Variants in AGBL4 observed in about 807,000 individuals in gnomAD.
The protein encoded by AGBL4 is cytosolic carboxypeptidase 6.
Under a neutral mutation model 66.4 loss-of-function variants are expected in AGBL4, and 58 were observed. That is an observed-to-expected ratio of 0.87 (90% confidence interval 0.71 to 1.09). AGBL4 has a LOEUF of 1.09. Among genes scored for constraint, AGBL4 ranks in the 50% least tolerant of loss-of-function variants. AGBL4 has a pLI of 0.00. For missense variants in AGBL4, 579 were observed against 631.0 expected (o/e 0.92, Z 0.88); for synonymous variants, 234 against 222.9 (o/e 1.05, Z -0.44).
intron 2 of AGBL4, chr1:49,845,722 A>C: frequency 6.3e-7 from 1 of 1,594,662 alleles, no homozygotes; most frequent in Non-Finnish European, 8.6e-7. Context: ...TGAGCATCAG[A>C]GGATTTACAC....
At chr1:48,788,713 A>G (rs1645467161) in intron 6 of AGBL4, among the ~76,000 whole-genome samples, 1 of 152,168 alleles carries the variant, frequency 6.6e-6, no homozygotes, top group Admixed American at 6.5e-5. Flanking sequence ...TGGGACACTA[A>G]CTGTGAAAAT....
chr1:48,937,451 T>C (rs1006821228), intron 5 of AGBL4, among the ~76,000 whole-genome samples: 3 of 152,192 alleles, frequency 2.0e-5, no homozygotes, highest in African/African-American at 7.2e-5. Flanking sequence ...GTGTTTTCAT[T>C]GTGTGACATG....
intron 5 of AGBL4, among the ~76,000 whole-genome samples, chr1:48,953,854 G>A (rs1485053490): frequency 6.6e-6 from 1 of 152,170 alleles, no homozygotes; most frequent in Admixed American, 6.5e-5. Flanking sequence ...CAGGAACAAC[G>A]TGCTTGGCAT....
chr1:48,674,191 A>C (rs1485230724), intron 6 of AGBL4, among the ~76,000 whole-genome samples: 1 of 152,170 alleles, frequency 6.6e-6, no homozygotes, highest in African/African-American at 2.4e-5. Flanking sequence ...TGGGGGCATT[A>C]GCTCCATGGC....
At chr1:50,021,119 A>C (rs1662413075) in intron 1 of AGBL4, among the ~76,000 whole-genome samples, 1 of 152,190 alleles carries the variant, frequency 6.6e-6, no homozygotes, top group Non-Finnish European at 1.5e-5. Flanking sequence ...TGCTAAATCT[A>C]GTTTTTTAGC....
At chr1:48,908,826 TTTCTCATCA>T (rs1652840005) in intron 5 of AGBL4, among the ~76,000 whole-genome samples, 1 of 152,170 alleles carries the variant, frequency 6.6e-6, no homozygotes, top group Non-Finnish European at 1.5e-5. Context: ...ATTCCAAAGC[TTTCTCATCA>T]TTTTTGGTAT....
intron 3 of AGBL4, among the ~76,000 whole-genome samples, chr1:49,466,524 G>A (rs1570785573): frequency 6.6e-6 from 1 of 151,784 alleles, no homozygotes. Context: ...GAAACCATCA[G>A]CCCTGTAATT....
At chr1:48,847,300 C>CAAAACA (rs1486888442) in intron 6 of AGBL4, among the ~76,000 whole-genome samples, 13 of 146,000 alleles carry the variant, frequency 8.9e-5, no homozygotes, top group Non-Finnish European at 1.8e-4. Flanking sequence ...AACTCTGTCT[C>CAAAACA]AAAACAAAAA....
intron 2 of AGBL4, among the ~76,000 whole-genome samples, chr1:49,795,441 T>A (rs1644705859): frequency 6.6e-6 from 1 of 151,942 alleles, no homozygotes; most frequent in Admixed American, 6.6e-5. Flanking sequence ...GCTGAATAAA[T>A]GAGAAGGATG....
chr1:49,240,903 C>T (rs1201253104), intron 4 of AGBL4, among the ~76,000 whole-genome samples: 1 of 151,944 alleles, frequency 6.6e-6, no homozygotes, highest in Admixed American at 6.6e-5. Context: ...TAAACTGTTT[C>T]TCCTCCTATG....
intron 5 of AGBL4, among the ~76,000 whole-genome samples, chr1:48,937,563 G>A (rs978215265): frequency 2.0e-4 from 31 of 152,108 alleles, no homozygotes; most frequent in African/African-American, 2.2e-4. Context: ...CCCAGAGCCC[G>A]GGATCTGTTA....
At chr1:49,020,996 G>C (rs1245994623) in intron 5 of AGBL4, among the ~76,000 whole-genome samples, 1 of 152,166 alleles carries the variant, frequency 6.6e-6, no homozygotes, top group Non-Finnish European at 1.5e-5. Context: ...TCTGAGAGAA[G>C]ACAAACTAGA....
intron 4 of AGBL4, chr1:49,048,442 A>G (rs1414273744): frequency 6.6e-6 from 1 of 152,146 alleles, no homozygotes; most frequent in Non-Finnish European, 1.5e-5. Flanking sequence ...CCTGATTAGC[A>G]GACAAAGTAG....
chr1:49,699,187 T>C (rs1307822871), intron 2 of AGBL4, among the ~76,000 whole-genome samples: 1 of 152,048 alleles, frequency 6.6e-6, no homozygotes, highest in Non-Finnish European at 1.5e-5. Context: ...AGAAACTAGA[T>C]AGTATCAAAC....
intron 6 of AGBL4, among the ~76,000 whole-genome samples, chr1:48,665,510 T>C (rs571775634): frequency 6.6e-6 from 1 of 152,308 alleles, no homozygotes; most frequent in South Asian, 2.1e-4. Context: ...TGGACAGTAT[T>C]AACTCCATTT....
At chr1:49,405,028 G>A (rs1426186418) in intron 3 of AGBL4, among the ~76,000 whole-genome samples, 1 of 151,972 alleles carries the variant, frequency 6.6e-6, no homozygotes, top group Non-Finnish European at 1.5e-5. Context: ...GATTCCACTG[G>A]GTGCTTGGGA....
chr1:49,834,319 A>G (rs560049397), intron 2 of AGBL4, among the ~76,000 whole-genome samples: 4 of 152,274 alleles, frequency 2.6e-5, no homozygotes, highest in Admixed American at 2.6e-4. Context: ...GGGAGGGTGT[A>G]TGTGTCCAGG....
chr1:48,561,072 C>T (rs986148856), intron 11 of AGBL4, among the ~76,000 whole-genome samples: 1 of 152,226 alleles, frequency 6.6e-6, no homozygotes, highest in Non-Finnish European at 1.5e-5. Context: ...TTTGCCCATG[C>T]AGTATCACTC....
intron 4 of AGBL4, among the ~76,000 whole-genome samples, chr1:49,168,324 C>T (rs1646670570): frequency 6.6e-6 from 1 of 152,166 alleles, no homozygotes; most frequent in African/African-American, 2.4e-5. Context: ...AAGATAATGC[C>T]AAATTGCTGT....
Sources: allele counts gnomAD v4.1 joint callset (sites outside exome capture counted in the v4.1 genomes callset), GRCh38; gene constraint gnomAD v4.1.1; transcripts MANE v1.5; gene names NCBI Gene and HGNC (gene_info 2026-07-23, HGNC 2026-07-21).